ABCA8: variants seen among roughly 807,000 people sequenced by gnomAD.
ABCA8 encodes the protein ATP binding cassette subfamily A member 8.
In ABCA8, 177 loss-of-function variants were observed where a neutral mutation model predicts 192.3. That is an observed-to-expected ratio of 0.92 (90% CI 0.81 to 1.04). ABCA8 has a LOEUF of 1.04. Among genes scored for constraint, ABCA8 ranks in the 50% least tolerant of loss-of-function variants. ABCA8 has a pLI of 0.00. For missense variants in ABCA8, 1,915 were observed against 1,904.8 expected (o/e 1.01, Z -0.10); for synonymous variants, 642 against 690.2 (o/e 0.93, Z 1.09).
In ABCA8 at chr17:68,877,512, T is replaced by C. The variant is rs2066237190; in HGVS notation, c.4199+7A>G. 5.6e-6 allele frequency: 9 copies of C among 1,611,470 alleles called. No homozygotes were observed. The highest frequency in any genetic ancestry group is 1.3e-5 in the African/African-American group (1 of 74,978). ...GGGTATAGAACAGATGTGGCTCCTC[T>C]GTGTACCGTGTGATGGCAACCTCAG... is the stretch of plus-strand genomic sequence containing the variant. On this transcript the variant is annotated splice_region_variant and intron_variant, in intron 33 of 39. Coordinates refer to ENST00000586539, the MANE Select transcript of ABCA8 (RefSeq NM_001288985.2).
rs2068083683 is a variant in ABCA8, at chr17:68,936,953, G to C, written c.464C>G (p.Thr155Arg). 1 of 1,586,296 alleles carries C rather than the reference G, an allele frequency of 6.3e-7. No homozygotes were observed. Among genetic ancestry groups the C allele is most frequent in the Non-Finnish European group, 8.5e-7 (1 of 1,170,286 alleles). Residue 155 changes from threonine to arginine, a missense_variant and splice_region_variant, in exon 5 of 40, where the codon ACA (threonine) becomes AGA (arginine). By Grantham distance (71) the Thr-to-Arg change is moderately conservative (BLOSUM62 -1). Coordinates refer to ENST00000586539, the MANE Select transcript of ABCA8 (RefSeq NM_001288985.2). ...AAATTTTAGAGCCATAAAATTACCT[G>C]TATGGTCCTTGTGCTCCTTCTTTGC... The part of the protein sequence containing the change: ...MPAKKEHKDH[T>R]AHCYETNEDV...
chr17:68,921,986 T>C (rs2067544399), intron 12 of ABCA8, among the ~76,000 whole-genome samples: 1 of 152,018 alleles, frequency 6.6e-6, no homozygotes, highest in South Asian at 2.1e-4. Context: ...TTACCCAGTA[T>C]AGATTCTAAA....
At chr17:68,926,432 T>C (rs949373968) in intron 10 of ABCA8, among the ~76,000 whole-genome samples, 3 of 152,090 alleles carry the variant, frequency 2.0e-5, no homozygotes, top group Admixed American at 2.0e-4. Context: ...GCCAGGGATA[T>C]ACAGTATGAT....
chr17:68,913,371 C>T (rs952413893), intron 17 of ABCA8, among the ~76,000 whole-genome samples: 4 of 149,908 alleles, frequency 2.7e-5, no homozygotes, highest in African/African-American at 9.8e-5. Flanking sequence ...AACCAAAAGT[C>T]GTAGAATAAA....
intron 7 of ABCA8, 117 bp from the exon 8 acceptor site, chr17:68,929,819 A>G: frequency 1.0e-6 from 1 of 979,680 alleles, no homozygotes; most frequent in Non-Finnish European, 1.5e-6. Context: ...CTCTCTTTCA[A>G]CATTTATTTA....
Position 68,927,977 on chromosome 17 carries a change from C to G in ABCA8, c.1212G>C (p.Met404Ile). The change falls in exon 10 of 40, where the codon ATG (methionine) becomes ATC (isoleucine). Residue 404 changes from methionine to isoleucine, a missense_variant. Met to Ile is a conservative substitution (Grantham distance 10, BLOSUM62 1). Transcript: ENST00000586539. The part of the protein sequence containing the change: ...GSNLIVATNF[M>I]LAFDTCLYLA... ...GATAGAGGCAAGTGTCAAATGCCAA[C>G]ATGAAATTTGTTGCTACAATGAGAT... is the stretch of plus-strand genomic sequence containing the variant. The G allele has an allele frequency of 2.5e-6, 4 of 1,608,406 alleles. No individual in the cohort carries two copies. The highest frequency in any genetic ancestry group is 3.4e-6 in the Non-Finnish European group (4 of 1,178,100).
chr17:68,875,323 G>T lies in ABCA8; in HGVS notation c.4568C>A (p.Ala1523Glu), dbSNP rs2066170246. Residue 1523 changes from alanine (A) to glutamate (E), a missense_variant, in exon 37 of 40, where the codon GCA (alanine) becomes GAA (glutamate). Physicochemically the swap from Ala to Glu is moderately radical, Grantham distance 107. Transcript: ENST00000586539. ...CTCTGCATGGAGGGGCTCCACTTGT[G>T]CCAGGTTCTTCACCTTCATCTCCAG... is the stretch of plus-strand genomic sequence containing the variant. ...YLLEMKVKNL[A>E]QVEPLHAEIL... 6.2e-7 allele frequency: 1 copy of T among 1,614,066 alleles called. No homozygotes were observed. Among genetic ancestry groups the T allele is most frequent in the East Asian group, 2.2e-5 (1 of 44,886 alleles).
chr17:68,899,400 C>A (rs2066848589), intron 21 of ABCA8, among the ~76,000 whole-genome samples: 1 of 151,906 alleles, frequency 6.6e-6, no homozygotes, highest in African/African-American at 2.4e-5. Context: ...AAATTGAAAG[C>A]AGAAGGTGGA....
chr17:68,934,084 A>G (rs1034688103), intron 5 of ABCA8, among the ~76,000 whole-genome samples: 2 of 152,108 alleles, frequency 1.3e-5, no homozygotes, highest in African/African-American at 4.8e-5. Flanking sequence ...TCTCTAAACT[A>G]TATATGTAAT....
intron 23 of ABCA8, 170 bp downstream of exon 23, chr17:68,894,003 A>C (rs1484556864): frequency 4.4e-6 from 3 of 681,066 alleles, no homozygotes; most frequent in Non-Finnish European, 2.5e-6. Flanking sequence ...AACAAATTGA[A>C]GCTCTGAAAA....
rs756080555 is a variant in ABCA8, at chr17:68,940,912, A to G, written c.147T>C (p.His49=). 6.8e-6 allele frequency: 11 copies of G among 1,612,362 alleles called. No individual in the cohort carries two copies. Among genetic ancestry groups the G allele is most frequent in the South Asian group, 2.2e-5 (2 of 91,046 alleles). Reference sequence around the variant, plus strand: ...AAGAAAAATCATTTACTTGATGACTATGAGGATATATATACAAACAAAGTA... The same window carrying G: ...AAGAAAAATCATTTACTTGATGACTGTGAGGATATATATACAAACAAAGTA... ...LLLLCLYIYP[H]SHQVNDFSSL... The change falls in exon 4 of 40, where the codon CAT becomes CAC. Residue 49 remains histidine, a synonymous_variant. Transcript: ENST00000586539.
intron 35 of ABCA8, 42 bp downstream of exon 35, chr17:68,876,418 C>T (rs1352374777): frequency 1.9e-6 from 3 of 1,612,876 alleles, no homozygotes. Flanking sequence ...AGGCTCCATG[C>T]AAGTCATCCG....
In ABCA8 at chr17:68,955,259, AT is replaced by A. The variant is rs1266298291; in HGVS notation, c.-208del. 1 of 152,228 alleles carries A rather than the reference AT, an allele frequency of 6.6e-6. No homozygotes were observed. The highest frequency in any genetic ancestry group is 1.5e-5 in the Non-Finnish European group (1 of 68,046). The allele number at this position is 152,228 out of a possible 1,614,324, so 9.4% of individuals were successfully genotyped here. A position where few individuals can be genotyped will look rare whatever the true frequency, so the allele number is the denominator to read the frequency against. On this transcript the variant is annotated 5_prime_UTR_variant, in exon 1 of 40. The change abolishes the stop of an existing upstream ORF in the 5' untranslated region. Coordinates refer to ENST00000586539, the MANE Select transcript of ABCA8 (RefSeq NM_001288985.2). The stretch of plus-strand genomic sequence containing the variant: ...AGCAAGGAATCTAGAGGTATGGTTT[AT>A]CCACTGAGCTCCTTGTTTAGAAGAA...
intron 2 of ABCA8, among the ~76,000 whole-genome samples, chr17:68,946,969 C>G (rs112015092): frequency 5.6e-5 from 8 of 142,800 alleles, no homozygotes; most frequent in African/African-American, 1.9e-4. Context: ...GAGAGAGAGA[C>G]AGAGAGAGAG....
chr17:68,925,746 C>G (rs1029078432), intron 10 of ABCA8, among the ~76,000 whole-genome samples: 5 of 152,172 alleles, frequency 3.3e-5, no homozygotes, highest in Non-Finnish European at 7.4e-5. Context: ...AAAAATCTAG[C>G]AAATAAAAGC....
chr17:68,919,401 C>T lies in ABCA8; in HGVS notation c.1688G>A (p.Cys563Tyr), dbSNP rs1360374652. 6.2e-7 allele frequency: 1 copy of T among 1,613,900 alleles called. No homozygotes were observed. The highest frequency in any genetic ancestry group is 1.3e-5 in the African/African-American group (1 of 74,902). The stretch of plus-strand genomic sequence containing the variant: ...GTCAAATTGCACATTGGATTGTGGA[C>T]AAACTCCGGTCAGCTTGCTGAGATT... ...LENLSKLTGV[C>Y]PQSNVQFDFL... The change falls in exon 14 of 40, where the codon TGT (cysteine) becomes TAT (tyrosine). Residue 563 changes from cysteine (C) to tyrosine (Y), a missense_variant. Physicochemically the swap from Cys to Tyr is radical, Grantham distance 194 (BLOSUM62 -2). Coordinates refer to ENST00000586539, the MANE Select transcript of ABCA8 (RefSeq NM_001288985.2).
intron 17 of ABCA8, among the ~76,000 whole-genome samples, chr17:68,912,642 G>T (rs1432030168): frequency 6.6e-6 from 1 of 151,994 alleles, no homozygotes; most frequent in Non-Finnish European, 1.5e-5. Flanking sequence ...CATAGAAAGA[G>T]AAAAAGAATG....
At chr17:68,954,005 A>G (rs1200506943) in intron 1 of ABCA8, among the ~76,000 whole-genome samples, 1 of 151,362 alleles carries the variant, frequency 6.6e-6, no homozygotes. Context: ...CCGCCAATGC[A>G]AGCTCTGTAC....
At chr17:68,921,774 A>T (rs2143631204) in intron 12 of ABCA8, among the ~76,000 whole-genome samples, 1 of 152,348 alleles carries the variant, frequency 6.6e-6, no homozygotes, top group African/African-American at 2.4e-5. Context: ...CATTGCCTGC[A>T]TATGGTAGGT....
Sources: allele counts gnomAD v4.1 joint callset (sites outside exome capture counted in the v4.1 genomes callset), GRCh38; gene constraint gnomAD v4.1.1; transcripts MANE v1.5; gene names NCBI Gene and HGNC (gene_info 2026-07-23, HGNC 2026-07-21).